Variants in ENOX1 observed in about 807,000 individuals in gnomAD.
ENOX1 encodes candidate growth-related and time keeping constitutive hydroquinone (NADH) oxidase.
ENOX1 carries 42 observed loss-of-function variants against 82.5 expected under a neutral mutation model. That is an observed-to-expected ratio of 0.51 (90% CI 0.40 to 0.66). The LOEUF (loss-of-function observed/expected upper bound fraction) is 0.66. Among genes scored for constraint, ENOX1 ranks in the 30% least tolerant of loss-of-function variants. The pLI is 0.00. For missense variants in ENOX1, 608 were observed against 811.6 expected (o/e 0.75, Z 3.05); for synonymous variants, 271 against 282.2 (o/e 0.96, Z 0.40).
chr13:43,356,279 A>G (rs1051840204), intron 7 of ENOX1, 127 bp from the exon 8 acceptor site: 2 of 760,922 alleles, frequency 2.6e-6, no homozygotes, highest in African/African-American at 1.8e-5. Context: ...TACATTTCCC[A>G]TAGGAAGCGG....
At chr13:43,703,691 C>T (rs1278303903) in intron 1 of ENOX1, among the ~76,000 whole-genome samples, 1 of 151,996 alleles carries the variant, frequency 6.6e-6, no homozygotes, top group African/African-American at 2.4e-5. Context: ...ACCTTAATTT[C>T]CAAATGAAGA....
intron 1 of ENOX1, among the ~76,000 whole-genome samples, chr13:43,771,373 C>A (rs1461882245): frequency 6.6e-6 from 1 of 152,132 alleles, no homozygotes; most frequent in Non-Finnish European, 1.5e-5. Context: ...ACCTAACCCA[C>A]CCATCAGTAA....
intron 2 of ENOX1, among the ~76,000 whole-genome samples, chr13:43,550,692 G>A (rs7319278): frequency 0.66 from 99,629 of 151,894 alleles, 32,594 homozygotes; most frequent in South Asian, 0.84. Flanking sequence ...TGCCTCAAAG[G>A]GGTTAAGTAA....
intron 2 of ENOX1, among the ~76,000 whole-genome samples, chr13:43,559,725 TGAA>T (rs1294083280): frequency 1.3e-5 from 2 of 152,174 alleles, no homozygotes; most frequent in African/African-American, 4.8e-5. Flanking sequence ...GTTAGCATCA[TGAA>T]GAAGGTTAGC....
Position 43,730,654 on chromosome 13 carries a change from C to T in ENOX1, c.-285+55998G>A, listed in dbSNP as rs528320533. ...CTTGCCTAACACCCTTCAGTAGTAC[C>T]ATGTCACATACAGGACAAAGCCCAA... On this transcript the variant is annotated intron_variant, in intron 1 of 16. Transcript: ENST00000690772. 1.4e-4 allele frequency among the ~76,000 whole-genome samples: 22 copies of T among 152,272 alleles called. No individual in the cohort carries two copies. The South Asian group carries it at 4.6e-3, about 32-fold the overall frequency.
chr13:43,641,386 T>C (rs868724360), intron 2 of ENOX1, among the ~76,000 whole-genome samples: 3 of 152,198 alleles, frequency 2.0e-5, no homozygotes, highest in Middle Eastern at 3.4e-3. Context: ...TCTGAAACAG[T>C]GCTATCCCTA....
intron 2 of ENOX1, among the ~76,000 whole-genome samples, chr13:43,541,542 G>C (rs1332784494): frequency 6.6e-6 from 1 of 152,096 alleles, no homozygotes; most frequent in Non-Finnish European, 1.5e-5. Context: ...AAACTGAACA[G>C]TGCACCACAT....
At chr13:43,753,450 T>C (rs1950426821) in intron 1 of ENOX1, among the ~76,000 whole-genome samples, 1 of 152,216 alleles carries the variant, frequency 6.6e-6, no homozygotes, top group Non-Finnish European at 1.5e-5. Flanking sequence ...TTTGTTTCAG[T>C]TCCTGACTGT....
At chr13:43,613,747 T>C (rs2082292486) in intron 2 of ENOX1, among the ~76,000 whole-genome samples, 1 of 151,934 alleles carries the variant, frequency 6.6e-6, no homozygotes. Flanking sequence ...GACCTATAAG[T>C]AGTAAGAAGA....
At chr13:43,725,078 G>C (rs1413885364) in intron 1 of ENOX1, among the ~76,000 whole-genome samples, 4 of 152,156 alleles carry the variant, frequency 2.6e-5, no homozygotes. Flanking sequence ...CTGGAATTCA[G>C]ACATGATTAC....
chr13:43,296,477 C>G (rs943154075), intron 12 of ENOX1, among the ~76,000 whole-genome samples: 3 of 152,160 alleles, frequency 2.0e-5, no homozygotes, highest in African/African-American at 7.2e-5. Flanking sequence ...GAAGGAACCA[C>G]CCCTGCTTTT....
intron 2 of ENOX1, among the ~76,000 whole-genome samples, chr13:43,501,258 A>G (rs2076970578): frequency 6.6e-6 from 1 of 151,804 alleles, no homozygotes; most frequent in Non-Finnish European, 1.5e-5. Flanking sequence ...AACTGTCACA[A>G]GAGACAAAGA....
chr13:43,359,018 G>A (rs2050324922), intron 7 of ENOX1, among the ~76,000 whole-genome samples: 1 of 152,180 alleles, frequency 6.6e-6, no homozygotes, highest in African/African-American at 2.4e-5. Context: ...AATAGAGGTG[G>A]ACTGCAGAAA....
intron 11 of ENOX1, among the ~76,000 whole-genome samples, chr13:43,318,740 G>A (rs2047651059): frequency 6.6e-6 from 1 of 152,244 alleles, no homozygotes; most frequent in Non-Finnish European, 1.5e-5. Flanking sequence ...CCACGTGTTG[G>A]AGGATGACTA....
At chr13:43,330,064 T>C (rs1401635802) in intron 9 of ENOX1, among the ~76,000 whole-genome samples, 1 of 152,244 alleles carries the variant, frequency 6.6e-6, no homozygotes, top group Non-Finnish European at 1.5e-5. Context: ...TATTCATTGC[T>C]TATAGCAGGA....
chr13:43,225,414 A>G (rs1412148821), intron 15 of ENOX1, among the ~76,000 whole-genome samples: 1 of 152,246 alleles, frequency 6.6e-6, no homozygotes, highest in Non-Finnish European at 1.5e-5. Context: ...GGATTCTAAA[A>G]TAAACGTTGA....
At chr13:43,332,562 T>G (rs1467870328) in intron 9 of ENOX1, among the ~76,000 whole-genome samples, 1 of 151,980 alleles carries the variant, frequency 6.6e-6, no homozygotes, top group African/African-American at 2.4e-5. Flanking sequence ...ACAGGATGTT[T>G]TAAGCAAATT....
chr13:43,521,984 G>C (rs1482405152), intron 2 of ENOX1, among the ~76,000 whole-genome samples: 2 of 152,126 alleles, frequency 1.3e-5, no homozygotes, highest in Non-Finnish European at 2.9e-5. Flanking sequence ...ATCATGAATA[G>C]AATCAATCCT....
intron 2 of ENOX1, among the ~76,000 whole-genome samples, chr13:43,578,483 TTAA>T (rs1225483977): frequency 3.9e-5 from 6 of 152,228 alleles, no homozygotes; most frequent in Non-Finnish European, 7.3e-5. Context: ...CTTAATATAC[TTAA>T]TGACAAAATT....
Sources: gnomAD v4.1 joint callset for allele counts (sites outside exome capture counted in the v4.1 genomes callset) on GRCh38, gnomAD v4.1.1 for gene constraint, MANE v1.5 for transcripts, NCBI Gene and HGNC (gene_info 2026-07-23, HGNC 2026-07-21) for gene names.